Variants in GPC6 observed in about 807,000 individuals in gnomAD.
GPC6 encodes the protein glypican 6.
A neutral mutation model predicts 55.2 loss-of-function variants in GPC6; 14 were observed. That is an observed-to-expected ratio of 0.25 (90% CI 0.17 to 0.40). The LOEUF is 0.40. Ranked by LOEUF, GPC6 falls within the 10% of genes least tolerant of loss-of-function variation. The pLI, the probability that GPC6 is intolerant of heterozygous loss-of-function variation, is 1.00. For missense variants in GPC6, 641 were observed against 708.5 expected (o/e 0.90, Z 1.08); for synonymous variants, 278 against 259.6 (o/e 1.07, Z -0.68).
At chr13:93,918,434 C>T (rs528175369) in intron 3 of GPC6, among the ~76,000 whole-genome samples, 6 of 151,604 alleles carry the variant, frequency 4.0e-5, no homozygotes, top group South Asian at 2.1e-4. Flanking sequence ...AACTCAAAGT[C>T]GCTGCTAGCA....
chr13:93,903,823 A>C (rs981211853), intron 3 of GPC6, among the ~76,000 whole-genome samples: 12 of 152,054 alleles, frequency 7.9e-5, no homozygotes, highest in African/African-American at 2.9e-4. Flanking sequence ...CATCTTTCAG[A>C]ACAAGTTCAT....
chr13:93,506,739 A>G lies in GPC6; in HGVS notation c.161-38524A>G, dbSNP rs1020179596. The stretch of plus-strand genomic sequence containing the variant: ...TCTTCTTTCAGACTATAAGGAATGT[A>G]CTTTAAAAAGCCCGGAGTAGGCCGG... On this transcript the variant is annotated intron_variant, in intron 1 of 8. Transcript: ENST00000377047. Among the ~76,000 whole-genome samples, 7 of 152,048 alleles carry G rather than the reference A, an allele frequency of 4.6e-5. No homozygotes were observed. In the East Asian group the frequency reaches 1.4e-3, roughly 30 times the overall value.
At chr13:94,387,947 G>GT (rs1880483764) in intron 7 of GPC6, among the ~76,000 whole-genome samples, 1 of 152,176 alleles carries the variant, frequency 6.6e-6, no homozygotes, top group South Asian at 2.1e-4. Context: ...AGCTAAGACG[G>GT]TAAGTCTAGG....
intron 1 of GPC6, among the ~76,000 whole-genome samples, chr13:93,520,840 T>G (rs939532846): frequency 1.0e-4 from 2 of 19,642 alleles, no homozygotes; most frequent in Non-Finnish European, 3.6e-4. Flanking sequence ...TATATATACT[T>G]ATAGACAAAC....
chr13:94,372,482 A>G (rs1000427477), intron 6 of GPC6, among the ~76,000 whole-genome samples: 3 of 152,192 alleles, frequency 2.0e-5, no homozygotes, highest in African/African-American at 7.2e-5. Flanking sequence ...GGTCACTCCC[A>G]CCCGAATACT....
At chr13:93,813,179 G>GA (rs1048728820) in intron 2 of GPC6, among the ~76,000 whole-genome samples, 3 of 152,008 alleles carry the variant, frequency 2.0e-5, no homozygotes, top group Admixed American at 6.6e-5. Context: ...CCAGATAAAT[G>GA]AAAAAAATGG....
At chr13:93,939,820 A>G (rs750955728) in intron 3 of GPC6, among the ~76,000 whole-genome samples, 5 of 152,160 alleles carry the variant, frequency 3.3e-5, no homozygotes, top group Non-Finnish European at 5.9e-5. Flanking sequence ...GAGCAGATAT[A>G]TCCTGTTAAG....
At chr13:93,451,604 A>G (rs926287803) in intron 1 of GPC6, among the ~76,000 whole-genome samples, 4 of 152,236 alleles carry the variant, frequency 2.6e-5, no homozygotes, top group Admixed American at 1.3e-4. Context: ...TGTCATAGCC[A>G]CAGAGTTGAG....
intron 1 of GPC6, among the ~76,000 whole-genome samples, chr13:93,448,665 G>A (rs899918029): frequency 1.3e-5 from 2 of 152,092 alleles, no homozygotes; most frequent in African/African-American, 4.8e-5. Context: ...AACGTAATCT[G>A]GATACTTGCA....
intron 2 of GPC6, among the ~76,000 whole-genome samples, chr13:93,643,018 G>A (rs1880023006): frequency 6.6e-6 from 1 of 152,078 alleles, no homozygotes; most frequent in Non-Finnish European, 1.5e-5. Flanking sequence ...CTCTGAAAAT[G>A]TCAGAGAATG....
intron 3 of GPC6, among the ~76,000 whole-genome samples, chr13:93,926,041 T>G (rs575766390): frequency 2.0e-5 from 3 of 152,306 alleles, no homozygotes; most frequent in African/African-American, 7.2e-5. Context: ...TCAGAGTAGT[T>G]GAACTTGTTA....
At chr13:93,258,950 G>A (rs747310069) in intron 1 of GPC6, among the ~76,000 whole-genome samples, 1 of 151,806 alleles carries the variant, frequency 6.6e-6, no homozygotes, top group Non-Finnish European at 1.5e-5. Context: ...ACACTGTCTC[G>A]AAAAATGAAC....
intron 1 of GPC6, among the ~76,000 whole-genome samples, chr13:93,282,035 A>C (rs546329947): frequency 6.6e-6 from 1 of 152,332 alleles, no homozygotes; most frequent in South Asian, 2.1e-4. Flanking sequence ...GTGTACTGAT[A>C]AAGCCACCCT....
chr13:94,246,813 GT>G (rs909819718), intron 4 of GPC6, among the ~76,000 whole-genome samples: 9 of 151,644 alleles, frequency 5.9e-5, no homozygotes, highest in African/African-American at 1.9e-4. Flanking sequence ...CCAACTTTGG[GT>G]TTTTTTTCTC....
intron 1 of GPC6, among the ~76,000 whole-genome samples, chr13:93,533,379 G>A (rs1276594348): frequency 2.0e-5 from 3 of 152,118 alleles, no homozygotes; most frequent in Non-Finnish European, 4.4e-5. Flanking sequence ...CCTTAGGTGT[G>A]GTTAAATTCC....
chr13:93,635,729 C>T (rs1181656631), intron 2 of GPC6, among the ~76,000 whole-genome samples: 1 of 152,120 alleles, frequency 6.6e-6, no homozygotes, highest in Admixed American at 6.6e-5. Flanking sequence ...AGTCTAAGCA[C>T]GTTACTTCAG....
chr13:94,110,553 T>A (rs981685115), intron 4 of GPC6, among the ~76,000 whole-genome samples: 3 of 151,870 alleles, frequency 2.0e-5, no homozygotes, highest in Admixed American at 6.6e-5. Flanking sequence ...TAAGACAGAA[T>A]GGAGGAGGGG....
chr13:93,260,326 T>C (rs1877099377), intron 1 of GPC6, among the ~76,000 whole-genome samples: 1 of 152,146 alleles, frequency 6.6e-6, no homozygotes, highest in Non-Finnish European at 1.5e-5. Context: ...AATAATTTTA[T>C]TAATACCATT....
intron 1 of GPC6, among the ~76,000 whole-genome samples, chr13:93,456,636 C>G (rs2139309197): frequency 6.6e-6 from 1 of 152,076 alleles, no homozygotes; most frequent in South Asian, 2.1e-4. Flanking sequence ...GGCTGAAAGT[C>G]TCAGATTTGT....
Sources: gnomAD v4.1 joint callset for allele counts (sites outside exome capture counted in the v4.1 genomes callset) on GRCh38, gnomAD v4.1.1 for gene constraint, MANE v1.5 for transcripts, NCBI Gene and HGNC (gene_info 2026-07-23, HGNC 2026-07-21) for gene names.